The following SMIM31 variants were observed in gnomAD, a reference collection of about 807,000 sequenced individuals.
The protein encoded by SMIM31 is small integral membrane protein 31, also known as human epithelial cell program regulator.
chr4:164,785,592 T>C (rs554768247), intron 2 of SMIM31, among the ~76,000 whole-genome samples: 155 of 152,134 alleles, frequency 1.0e-3, no homozygotes, highest in African/African-American at 3.7e-3. Flanking sequence ...ACAGATCCAA[T>C]GTTCAGCTAT....
intron 1 of SMIM31, among the ~76,000 whole-genome samples, chr4:164,759,853 A>G (rs10020055): frequency 0.11 from 17,408 of 152,176 alleles, 1,114 homozygotes; most frequent in African/African-American, 0.16. Flanking sequence ...TAAAGATTAG[A>G]AGGTAATAAT....
chr4:164,766,039 C>A lies in SMIM31; in HGVS notation c.-25-4380C>A, dbSNP rs533723367. Among the ~76,000 whole-genome samples, 284 of 152,222 alleles carry A rather than the reference C, an allele frequency of 1.9e-3. 2 individuals are homozygous for A. Among genetic ancestry groups the A allele is most frequent in the African/African-American group, 6.5e-3 (269 of 41,534 alleles). ...CTCAAGGGAGCCGCGAGAGAATGAA[C>A]GGATGGTGCACAAAGAGAGCAGTGA... On this transcript the variant is annotated intron_variant, in intron 1 of 2. Transcript: ENST00000507311.
chr4:164,794,832 A>T (rs893994894), intron 2 of SMIM31, among the ~76,000 whole-genome samples: 7 of 151,722 alleles, frequency 4.6e-5, no homozygotes, highest in African/African-American at 7.2e-5. Flanking sequence ...TAATAATTTT[A>T]AAAAACTAAA....
chr4:164,771,461 C>T (rs1245254450), intron 2 of SMIM31, among the ~76,000 whole-genome samples: 2 of 152,104 alleles, frequency 1.3e-5, no homozygotes, highest in African/African-American at 4.8e-5. Flanking sequence ...AATCTTGGAA[C>T]CCAGGTTACT....
At chr4:164,754,549 G>GTT (rs1222612662) in intron 1 of SMIM31, 138 bp downstream of exon 1, 4 of 112,260 alleles carry the variant, frequency 3.6e-5, no homozygotes, top group African/African-American at 1.1e-4. Context: ...TTTCCTGGAG[G>GTT]TATTTTTTTT....
In SMIM31 at chr4:164,801,860, C is replaced by A. The variant is rs1259117130; in HGVS notation, c.*666C>A. On this transcript the variant is annotated 3_prime_UTR_variant, in exon 3 of 3. Transcript: ENST00000507311. ...ATGTAAATCCTTAATGTGTAAGCAT[C>A]CAGGAAAATTTGTCATTCTGTGTCC... The A allele has an allele frequency of 6.6e-6, 1 of 152,028 alleles. No individual in the cohort carries two copies. The highest frequency in any genetic ancestry group is 1.5e-5 in the Non-Finnish European group (1 of 68,026). 9.4% of individuals were successfully genotyped at this position (152,028 alleles called of 1,614,324 possible).
At chr4:164,793,528 A>AAGGG (rs1733133509) in intron 2 of SMIM31, among the ~76,000 whole-genome samples, 1 of 152,206 alleles carries the variant, frequency 6.6e-6, no homozygotes, top group Non-Finnish European at 1.5e-5. Context: ...GAAGTCCAAG[A>AAGGG]TCAAGGTACT....
At chr4:164,758,046 AATTT>A (rs1732589755) in intron 1 of SMIM31, among the ~76,000 whole-genome samples, 1 of 151,954 alleles carries the variant, frequency 6.6e-6, no homozygotes, top group Non-Finnish European at 1.5e-5. Flanking sequence ...TATATCTCTC[AATTT>A]ATTTAGATAT....
At chr4:164,767,328 A>G (rs1184798866) in intron 1 of SMIM31, among the ~76,000 whole-genome samples, 1 of 152,226 alleles carries the variant, frequency 6.6e-6, no homozygotes, top group Non-Finnish European at 1.5e-5. Context: ...TCACTAGTAA[A>G]TGATTTAACT....
chr4:164,772,860 G>A (rs1400973040), intron 2 of SMIM31, among the ~76,000 whole-genome samples: 1 of 151,540 alleles, frequency 6.6e-6, no homozygotes, highest in African/African-American at 2.4e-5. Flanking sequence ...TTACAGGCGT[G>A]AGCCACCGCG....
chr4:164,758,253 C>A (rs1478224016), intron 1 of SMIM31, among the ~76,000 whole-genome samples: 1 of 152,082 alleles, frequency 6.6e-6, no homozygotes, highest in Non-Finnish European at 1.5e-5. Context: ...TTACTAAATT[C>A]TAGTAGTTAC....
intron 2 of SMIM31, among the ~76,000 whole-genome samples, chr4:164,779,408 T>G (rs1732918614): frequency 6.6e-6 from 1 of 152,218 alleles, no homozygotes; most frequent in Non-Finnish European, 1.5e-5. Flanking sequence ...TGCTTCTTCT[T>G]CGTAAAAGTG....
intron 2 of SMIM31, among the ~76,000 whole-genome samples, chr4:164,771,924 G>T (rs578170866): frequency 6.6e-6 from 1 of 152,200 alleles, no homozygotes; most frequent in Admixed American, 6.5e-5. Flanking sequence ...GTGGAAATTA[G>T]AATGAAGCAG....
intron 2 of SMIM31, among the ~76,000 whole-genome samples, chr4:164,786,174 G>A (rs1351421103): frequency 6.6e-6 from 1 of 152,130 alleles, no homozygotes; most frequent in Non-Finnish European, 1.5e-5. Context: ...ACTTAATCTT[G>A]GTTGAAGGAT....
intron 2 of SMIM31, among the ~76,000 whole-genome samples, chr4:164,780,380 T>C (rs907301981): frequency 2.0e-5 from 3 of 152,208 alleles, no homozygotes; most frequent in African/African-American, 7.2e-5. Flanking sequence ...TGAGCCGAGA[T>C]TGCGCCACTG....
At chr4:164,800,004 T>G (rs936161220) in intron 2 of SMIM31, among the ~76,000 whole-genome samples, 1 of 152,168 alleles carries the variant, frequency 6.6e-6, no homozygotes, top group Non-Finnish European at 1.5e-5. Flanking sequence ...CTTTAAAACA[T>G]TTAGAAAACA....
intron 1 of SMIM31, among the ~76,000 whole-genome samples, chr4:164,758,801 ATTTTTTTTTTTTTTTTTTTTTTTTT>A (rs35632469): frequency 5.3e-4 from 32 of 60,908 alleles, no homozygotes; most frequent in African/African-American, 1.9e-3. Flanking sequence ...GCCCGGCCAA[ATTTTTTTTTTTTTTTTTTTTTTTTT>A]TTTTTTTTTT....
chr4:164,766,722 C>T (rs1168467172), intron 1 of SMIM31, among the ~76,000 whole-genome samples: 18 of 151,474 alleles, frequency 1.2e-4, no homozygotes, highest in African/African-American at 3.4e-4. Context: ...CGCTTGAACC[C>T]GGGAAGCGGA....
At chr4:164,778,405 C>T (rs4302426) in intron 2 of SMIM31, among the ~76,000 whole-genome samples, 5,369 of 152,112 alleles carry the variant, frequency 0.035, 318 homozygotes, top group African/African-American at 0.12. Flanking sequence ...AAGTTTAATA[C>T]ACACCTCTAA....
Sources: allele counts gnomAD v4.1 joint callset (sites outside exome capture counted in the v4.1 genomes callset), GRCh38; gene constraint gnomAD v4.1.1; transcripts MANE v1.5; gene names NCBI Gene and HGNC (gene_info 2026-07-23, HGNC 2026-07-21).